The following KCNK3 variants were observed in gnomAD, a reference collection of about 807,000 sequenced individuals.
KCNK3 encodes potassium two pore domain channel subfamily K member 3.
A neutral mutation model predicts 27.3 loss-of-function variants in KCNK3; 9 were observed. The ratio of observed to expected loss-of-function variants is 0.33; its 90% confidence interval spans 0.20 to 0.57. The LOEUF is 0.57. KCNK3 is among the 20% of genes least tolerant of loss of function. The pLI is 0.87. For missense variants in KCNK3, 391 were observed against 577.7 expected (o/e 0.68, Z 3.31); for synonymous variants, 278 against 273.8 (o/e 1.02, Z -0.15).
intron 1 of KCNK3, among the ~76,000 whole-genome samples, chr2:26,708,315 T>C (rs1331985360): frequency 6.6e-6 from 1 of 151,888 alleles, no homozygotes; most frequent in Admixed American, 6.6e-5. Flanking sequence ...CTGAGTGAAG[T>C]GAGGAGAAGA....
In KCNK3 at chr2:26,729,205, G is replaced by A. The variant is rs1001815857; in HGVS notation, c.*637G>A. The A allele has an allele frequency of 6.5e-6, 1 of 152,876 alleles. No homozygotes were observed. The highest frequency in any genetic ancestry group is 1.5e-5 in the Non-Finnish European group (1 of 68,242). The allele number at this position is 152,876 out of a possible 1,614,324, so 9.5% of individuals were successfully genotyped here. ...AGGCAGCAGGAGGGGCGAGCTGGGAGGCAGGAGGCAGCGGCCTGTCAGTCT... is the reference window on the plus strand; with the variant it reads ...AGGCAGCAGGAGGGGCGAGCTGGGAAGCAGGAGGCAGCGGCCTGTCAGTCT... On this transcript the variant is annotated 3_prime_UTR_variant, in exon 2 of 2. Transcript: ENST00000302909.
At chr2:26,702,903 G>T (rs1438253843) in intron 1 of KCNK3, among the ~76,000 whole-genome samples, 2 of 152,096 alleles carry the variant, frequency 1.3e-5, no homozygotes, top group African/African-American at 2.4e-5. Flanking sequence ...ATCACTTGAG[G>T]TTGGGAGTTC....
chr2:26,700,805 T>A (rs376803093), intron 1 of KCNK3, among the ~76,000 whole-genome samples: 46 of 152,292 alleles, frequency 3.0e-4, no homozygotes, highest in African/African-American at 1.1e-3. Flanking sequence ...TCTCTCTCTC[T>A]CTCACTCTGT....
At chr2:26,717,795 C>T (rs1663258642) in intron 1 of KCNK3, among the ~76,000 whole-genome samples, 1 of 152,198 alleles carries the variant, frequency 6.6e-6, no homozygotes, top group Non-Finnish European at 1.5e-5. Flanking sequence ...CTGCTTTAGC[C>T]CTCACGCTCT....
At chr2:26,705,900 T>A (rs1454722365) in intron 1 of KCNK3, among the ~76,000 whole-genome samples, 1 of 152,066 alleles carries the variant, frequency 6.6e-6, no homozygotes. Context: ...CAGACGGCCC[T>A]TGTGTGCTGA....
At chr2:26,705,154 A>G (rs1670357063) in intron 1 of KCNK3, among the ~76,000 whole-genome samples, 1 of 152,118 alleles carries the variant, frequency 6.6e-6, no homozygotes, top group Non-Finnish European at 1.5e-5. Context: ...AAGTAGAGAC[A>G]GGGTCTTTCT....
Position 26,693,287 on chromosome 2 carries a change from C to T in KCNK3, c.283+129C>T. The T allele has an allele frequency of 1.1e-6, 1 of 929,010 alleles. No individual in the cohort carries two copies. Among genetic ancestry groups the T allele is most frequent in the Middle Eastern group, 3.5e-4 (1 of 2,828 alleles). The allele number at this position is 929,010 out of a possible 1,614,324, so 57.5% of individuals were successfully genotyped here. A position where few individuals can be genotyped will look rare whatever the true frequency, so the allele number is the denominator to read the frequency against. On this transcript the variant is annotated intron_variant, in intron 1 of 1. Coordinates refer to ENST00000302909, the MANE Select transcript of KCNK3 (RefSeq NM_002246.3). This position sits in a 1 kb window ranked among gnomAD's most constrained non-coding sequence, Gnocchi z 5.5. ...GGCTGGGCGCCGAACCCTGCGCTCG[C>T]AGAAACCCGAGTTCAGCCTGGCGTG...
chr2:26,723,425 T>C (rs1351736222), intron 1 of KCNK3, among the ~76,000 whole-genome samples: 1 of 152,178 alleles, frequency 6.6e-6, no homozygotes, highest in Non-Finnish European at 1.5e-5. Flanking sequence ...CACTAACAAT[T>C]AATTTTTATG....
chr2:26,723,580 G>A (rs764267729), intron 1 of KCNK3, among the ~76,000 whole-genome samples: 1 of 152,206 alleles, frequency 6.6e-6, no homozygotes, highest in Non-Finnish European at 1.5e-5. Flanking sequence ...GAGGGCAGTG[G>A]ACAGAGCATT....
At chr2:26,713,036 C>T (rs1663154490) in intron 1 of KCNK3, among the ~76,000 whole-genome samples, 1 of 152,218 alleles carries the variant, frequency 6.6e-6, no homozygotes. Context: ...CCACACCCAA[C>T]CCATTCATCA....
intron 1 of KCNK3, among the ~76,000 whole-genome samples, chr2:26,710,642 C>G (rs1663094415): frequency 6.6e-6 from 1 of 152,144 alleles, no homozygotes; most frequent in Non-Finnish European, 1.5e-5. Flanking sequence ...CCTTCCCTAC[C>G]CTGGTCTCTG....
chr2:26,711,631 GT>G (rs1663110327), intron 1 of KCNK3, among the ~76,000 whole-genome samples: 1 of 152,176 alleles, frequency 6.6e-6, no homozygotes, highest in African/African-American at 2.4e-5. Flanking sequence ...CTGTGGCTCC[GT>G]TACTGCATCT....
At chr2:26,694,844 G>A (rs144730406) in intron 1 of KCNK3, among the ~76,000 whole-genome samples, 7 of 152,134 alleles carry the variant, frequency 4.6e-5, no homozygotes, top group East Asian at 3.9e-4. Flanking sequence ...TTTTCCACAC[G>A]TCAAGCCTTC....
chr2:26,695,441 C>T (rs187650334), intron 1 of KCNK3, among the ~76,000 whole-genome samples: 2 of 152,314 alleles, frequency 1.3e-5, no homozygotes, highest in Admixed American at 6.5e-5. Flanking sequence ...TCAAATCCCC[C>T]CTCCTCCTCA....
intron 1 of KCNK3, among the ~76,000 whole-genome samples, chr2:26,718,767 C>T (rs965544336): frequency 3.7e-5 from 5 of 136,768 alleles, no homozygotes; most frequent in African/African-American, 1.2e-4. Context: ...AGCCACCATG[C>T]CTAGCTAATT....
At chr2:26,699,069 G>A (rs940505203) in intron 1 of KCNK3, among the ~76,000 whole-genome samples, 3 of 151,760 alleles carry the variant, frequency 2.0e-5, no homozygotes, top group African/African-American at 7.3e-5. Context: ...TCCCGGCTAT[G>A]CAGGAGGCTG....
chr2:26,694,511 C>T (rs1279295344), intron 1 of KCNK3, among the ~76,000 whole-genome samples: 1 of 152,154 alleles, frequency 6.6e-6, no homozygotes, highest in Non-Finnish European at 1.5e-5. Context: ...CAAGAATCTA[C>T]GGCTCCCTGG....
intron 1 of KCNK3, among the ~76,000 whole-genome samples, chr2:26,726,106 C>CACACAG (rs1553387172): frequency 1.2e-5 from 1 of 81,722 alleles, no homozygotes; most frequent in African/African-American, 6.7e-5. Flanking sequence ...CACACACACA[C>CACACAG]AGAGAGAGAG....
chr2:26,705,787 C>T (rs559867015), intron 1 of KCNK3, among the ~76,000 whole-genome samples: 16 of 151,908 alleles, frequency 1.1e-4, no homozygotes, highest in Non-Finnish European at 2.1e-4. Context: ...GACAGAGTGA[C>T]GGTTCTTAAG....
Sources: allele counts gnomAD v4.1 joint callset (sites outside exome capture counted in the v4.1 genomes callset), GRCh38; gene constraint gnomAD v4.1.1; non-coding constraint Gnocchi (gnomAD v3.1); transcripts MANE v1.5; gene names NCBI Gene and HGNC (gene_info 2026-07-23, HGNC 2026-07-21).